The following PCDH1 variants were observed in gnomAD, a reference collection of about 807,000 sequenced individuals.
PCDH1 encodes the protein protocadherin-1.
In PCDH1, 23 loss-of-function variants were observed where a neutral mutation model predicts 74.6. That is an observed-to-expected ratio of 0.31 (90% CI 0.22 to 0.44). The LOEUF (loss-of-function observed/expected upper bound fraction) is 0.44. PCDH1 is among the 20% of genes least tolerant of loss of function. The probability of loss-of-function intolerance (pLI) is 1.00; values close to 1 mark genes in which losing one functional copy is unlikely to be tolerated. For missense variants in PCDH1, 1,214 were observed against 1,641.4 expected (o/e 0.74, Z 4.50); for synonymous variants, 647 against 686.1 (o/e 0.94, Z 0.89).
Position 141,869,525 on chromosome 5 carries a change from A to G in PCDH1, c.41-94T>C, listed in dbSNP as rs777391269. The G allele has an allele frequency of 3.9e-5, 60 of 1,547,716 alleles. No homozygotes were observed. Among genetic ancestry groups the G allele is most frequent in the Non-Finnish European group, 5.1e-5 (59 of 1,153,330 alleles). On this transcript the variant is annotated intron_variant, in intron 1 of 4. Coordinates refer to ENST00000287008, the MANE Select transcript of PCDH1 (RefSeq NM_032420.5). This position sits in a 1 kb window ranked among gnomAD's most constrained non-coding sequence, Gnocchi z 4.9. The stretch of plus-strand genomic sequence containing the variant: ...GCTGGCCCCATACTCACCCTCTCCC[A>G]CTGACACACGATTCTCCACAAGAGC...
intron 3 of PCDH1, among the ~76,000 whole-genome samples, chr5:141,861,859 GGA>G (rs150745431): frequency 6.6e-6 from 1 of 151,868 alleles, no homozygotes; most frequent in Non-Finnish European, 1.5e-5. Context: ...AGTGAGAGAT[GGA>G]GAGAGAGAGA....
chr5:141,867,069 G>C (rs1752876595), intron 2 of PCDH1, among the ~76,000 whole-genome samples: 1 of 152,122 alleles, frequency 6.6e-6, no homozygotes, highest in South Asian at 2.1e-4. Flanking sequence ...CCTCACCCCA[G>C]TCTACCTGTC....
At chr5:141,867,502 C>A in intron 2 of PCDH1, 1 of 436,352 alleles carries the variant, frequency 2.3e-6, no homozygotes, top group Admixed American at 2.8e-5. Flanking sequence ...ATATAATACA[C>A]ATCATGTGTT....
rs13340352 is a variant in PCDH1, at chr5:141,854,360, T to C, written c.3396A>G (p.Thr1132=). ...GAGATGACTGGCCAGGCATCCAGCA[T>C]GTGTCAGAGTGGCCAAACTCACTGC... ...RECSEFGHSD[T]CWMPGQSSPS... The change falls in exon 5 of 5, where the codon ACA becomes ACG. Residue 1132 remains threonine, a synonymous_variant. Transcript: ENST00000287008. 3.8e-5 allele frequency: 62 copies of C among 1,613,630 alleles called. No homozygotes were observed. In the African/African-American group the frequency reaches 8.0e-4, roughly 21 times the overall value.
chr5:141,854,290 C>T lies in PCDH1; in HGVS notation c.3466G>A (p.Val1156Met), dbSNP rs574191377. 1.6e-5 allele frequency: 26 copies of T among 1,613,584 alleles called. No homozygotes were observed. The East Asian group carries it at 2.5e-4, about 15-fold the overall frequency. The change falls in exon 5 of 5, where the codon GTG (valine) becomes ATG (methionine). Residue 1156 changes from valine to methionine, a missense_variant. Physicochemically the swap from Val to Met is conservative, Grantham distance 21. Coordinates refer to ENST00000287008, the MANE Select transcript of PCDH1 (RefSeq NM_032420.5). ...KSSALKLSTF[V>M]PYQDRGGQEP... ...TGCCCTCCTCGGTCCTGGTAAGGCACGAAGGTGGAGAGTTTGAGGGCGCTG... is the reference window on the plus strand; with the variant it reads ...TGCCCTCCTCGGTCCTGGTAAGGCATGAAGGTGGAGAGTTTGAGGGCGCTG...
At chr5:141,873,982 T>C (rs1466466333) in intron 1 of PCDH1, among the ~76,000 whole-genome samples, 2 of 152,198 alleles carry the variant, frequency 1.3e-5, no homozygotes, top group African/African-American at 4.8e-5. Context: ...AAGTAGTATG[T>C]GGAAGAACCA....
intron 2 of PCDH1, chr5:141,866,197 A>G: frequency 3.0e-6 from 3 of 985,544 alleles, no homozygotes; most frequent in Non-Finnish European, 3.6e-6. Flanking sequence ...AACCTGTTTC[A>G]GCAGCAACTT....
rs148156227 is a variant in PCDH1, at chr5:141,868,586, C to T, written c.886G>A (p.Gly296Ser). The T allele has an allele frequency of 2.2e-5, 34 of 1,548,162 alleles. No individual in the cohort carries two copies. The highest frequency in any genetic ancestry group is 2.8e-5 in the Non-Finnish European group (32 of 1,148,296). ...EAELSENSPI[G>S]HSVIQVKAND... ...CCTCTCACCTGGATGACCGAGTGGCCTATGGGGCTATTCTCAGATAGTTCG... is the reference window on the plus strand; with the variant it reads ...CCTCTCACCTGGATGACCGAGTGGCTTATGGGGCTATTCTCAGATAGTTCG... Residue 296 changes from glycine (G) to serine (S), a missense_variant, in exon 2 of 5, where the codon GGC (glycine) becomes AGC (serine). Physicochemically the swap from Gly to Ser is moderately conservative, Grantham distance 56. Around this residue, in one of 4 missense-constraint regions of PCDH1, gnomAD observed 836 missense variants for 1,182.2 expected, o/e 0.71. Coordinates refer to ENST00000287008, the MANE Select transcript of PCDH1 (RefSeq NM_032420.5). This position sits in a 1 kb window ranked among gnomAD's most constrained non-coding sequence, Gnocchi z 4.8.
intron 3 of PCDH1, among the ~76,000 whole-genome samples, chr5:141,859,170 A>G (rs1412756392): frequency 6.6e-6 from 1 of 152,064 alleles, no homozygotes; most frequent in Non-Finnish European, 1.5e-5. Context: ...AGGGGTGATT[A>G]GGGTCCAGGA....
intron 1 of PCDH1, among the ~76,000 whole-genome samples, chr5:141,875,542 AC>A (rs1476856073): frequency 6.6e-6 from 1 of 150,452 alleles, no homozygotes; most frequent in East Asian, 2.0e-4. Context: ...TGGCCCTTCA[AC>A]CCCCTTCTCA....
rs1228924492 is a variant in PCDH1 at position 141,854,318 on chromosome 5, C to G, written c.3438G>C (p.Lys1146Asn). 1 of 1,613,508 alleles carries G rather than the reference C, an allele frequency of 6.2e-7. No homozygotes were observed. The highest frequency in any genetic ancestry group is 1.7e-5 in the Admixed American group (1 of 59,978). ...PGQSSPSRRT[K>N]SSALKLSTFV... ...AGGTGGAGAGTTTGAGGGCGCTGCTCTTGGTCCGGCGGCTGGGAGATGACT... is the reference window on the plus strand; with the variant it reads ...AGGTGGAGAGTTTGAGGGCGCTGCTGTTGGTCCGGCGGCTGGGAGATGACT... The change falls in exon 5 of 5, where the codon AAG becomes AAC. Residue 1146 changes from lysine to asparagine, a missense_variant. Around this residue, in one of 4 missense-constraint regions of PCDH1, gnomAD observed 194 missense variants for 198.3 expected, o/e 0.98. Transcript: ENST00000287008.
chr5:141,863,933 G>T lies in PCDH1; in HGVS notation c.2398C>A (p.Pro800Thr), dbSNP rs538786315. ...LVVKVSDRGK[P>T]PRYGTALVHL... ...ACCAAGGCTGTGCCATAGCGTGGGG[G>T]CTTGCCGCGGTCACTGACCTTCACC... Residue 800 changes from proline (P) to threonine (T), a missense_variant, in exon 3 of 5, where the codon CCC (proline) becomes ACC (threonine). Transcript: ENST00000287008. This position sits in a 1 kb window ranked among gnomAD's most constrained non-coding sequence, Gnocchi z 7.5. The T allele has an allele frequency of 5.6e-6, 9 of 1,614,176 alleles. No homozygotes were observed. In the East Asian group the frequency reaches 1.8e-4, roughly 32 times the overall value.
At position 141,854,090 on chromosome 5, in the gene PCDH1, T is replaced by C. The variant is rs771788045; in HGVS notation, c.3666A>G (p.Ala1222=). 7.7e-6 allele frequency: 12 copies of C among 1,549,620 alleles called. No individual in the cohort carries two copies. Among genetic ancestry groups the C allele is most frequent in the Non-Finnish European group, 1.0e-5 (12 of 1,144,976 alleles). ...CCGTCTGGGCAGATGCCGGTGTGGCTGCGGGTGGGAAGTCCGAGGTCTGGG... is the reference window on the plus strand; with the variant it reads ...CCGTCTGGGCAGATGCCGGTGTGGCCGCGGGTGGGAAGTCCGAGGTCTGGG... ...PLTQTSDFPP[A]ATPASAQTAK... Residue 1222 remains alanine, a synonymous_variant, in exon 5 of 5, where the codon GCA becomes GCG. Transcript: ENST00000287008.
In PCDH1 at chr5:141,869,355, C is replaced by G. The variant is rs758156128; in HGVS notation, c.117G>C (p.Leu39=). The G allele has an allele frequency of 6.3e-7, 1 of 1,596,790 alleles. No homozygotes were observed. Among genetic ancestry groups the G allele is most frequent in the South Asian group, 1.1e-5 (1 of 88,514 alleles). The change falls in exon 2 of 5, where the codon CTG becomes CTC. Residue 39 remains leucine, a synonymous_variant. Transcript: ENST00000287008. The surrounding 1 kb of genome is among the most constrained non-coding windows in gnomAD (Gnocchi z 4.9). The part of the protein sequence containing the change: ...SPGPGGQRLL[L]PSMLLALLLL... ...GCAGCAGTGCTAGCAGCATGGAGGG[C>G]AGCAGTAGCCGTTGCCCCCCAGGGC...
chr5:141,877,523 T>C (rs1446821799), intron 1 of PCDH1, among the ~76,000 whole-genome samples: 1 of 152,134 alleles, frequency 6.6e-6, no homozygotes, highest in Non-Finnish European at 1.5e-5. Context: ...CACTCGTACA[T>C]GAGGGCACGA....
intron 1 of PCDH1, among the ~76,000 whole-genome samples, chr5:141,875,876 C>G (rs1466788051): frequency 1.3e-5 from 2 of 152,114 alleles, no homozygotes; most frequent in African/African-American, 4.8e-5. Context: ...GTAACACCCA[C>G]CTACTCCCGC....
In PCDH1 at chr5:141,864,004, A is replaced by C. The variant is rs1752695099; in HGVS notation, c.2327T>G (p.Leu776Arg). The C allele has an allele frequency of 6.2e-7, 1 of 1,613,962 alleles. No homozygotes were observed. Among genetic ancestry groups the C allele is most frequent in the Admixed American group, 1.7e-5 (1 of 60,014 alleles). ...QIGSHSGAITLEKEIERRHHG... is the reference protein window; with the variant it reads ...QIGSHSGAITREKEIERRHHG... ...GTGGCGCCGCTCAATCTCCTTCTCC[A>C]GGGTGATGGCACCTGAATGTGACCC... is the stretch of plus-strand genomic sequence containing the variant. The change falls in exon 3 of 5, where the codon CTG (leucine) becomes CGG (arginine). Residue 776 changes from leucine (L) to arginine (R), a missense_variant. Physicochemically the swap from Leu to Arg is moderately radical, Grantham distance 102. Transcript: ENST00000287008. The surrounding 1 kb of genome is among the most constrained non-coding windows in gnomAD (Gnocchi z 5.9).
Position 141,875,359 on chromosome 5 carries a change from C to T in PCDH1, c.40+2864G>A, listed in dbSNP as rs1464133121. 2.0e-5 allele frequency among the ~76,000 whole-genome samples: 3 copies of T among 152,146 alleles called. No homozygotes were observed. In the East Asian group the frequency reaches 5.8e-4, roughly 29 times the overall value. The stretch of plus-strand genomic sequence containing the variant: ...TATGTCTCTTACTACTGCATCCTCA[C>T]CACCCACCATGGACCCTGGCAGATA... On this transcript the variant is annotated intron_variant, in intron 1 of 4. Transcript: ENST00000287008.
chr5:141,873,724 C>T (rs1204126096), intron 1 of PCDH1, among the ~76,000 whole-genome samples: 5 of 151,786 alleles, frequency 3.3e-5, no homozygotes, highest in Non-Finnish European at 5.9e-5. Context: ...TCCCAAAGTG[C>T]TGGGATTACA....
Sources: allele counts gnomAD v4.1 joint callset (sites outside exome capture counted in the v4.1 genomes callset), GRCh38; gene constraint gnomAD v4.1.1; regional missense constraint gnomAD v4.1.1; non-coding constraint Gnocchi (gnomAD v3.1); transcripts MANE v1.5; gene names NCBI Gene and HGNC (gene_info 2026-07-23, HGNC 2026-07-21).